The following C11orf58 variants were observed in gnomAD, a reference collection of about 807,000 sequenced individuals.
C11orf58 encodes the protein chromosome 11 open reading frame 58, also known as small acidic protein.
A neutral mutation model predicts 22.7 loss-of-function variants in C11orf58; 5 were observed. That is an observed-to-expected ratio of 0.22 (90% CI 0.12 to 0.46). The LOEUF is 0.46. Among genes scored for constraint, C11orf58 ranks in the 20% least tolerant of loss-of-function variants. The pLI, the probability that C11orf58 is intolerant of heterozygous loss-of-function variation, is 0.99. For missense variants in C11orf58, 151 were observed against 223.3 expected (o/e 0.68, Z 2.06); for synonymous variants, 71 against 70.7 (o/e 1.00, Z -0.02).
intron 1 of C11orf58, among the ~76,000 whole-genome samples, chr11:16,743,523 C>CGACT (rs2134068920): frequency 6.6e-6 from 1 of 152,176 alleles, no homozygotes; most frequent in Non-Finnish European, 1.5e-5. Context: ...GTCTAGAATA[C>CGACT]GACTGCCTTT....
At chr11:16,750,218 T>C (rs1848521853) in intron 3 of C11orf58, 1 of 152,250 alleles carries the variant, frequency 6.6e-6, no homozygotes, top group Non-Finnish European at 1.5e-5. Flanking sequence ...TTGTCTAATA[T>C]GTGATGACCA....
Position 16,738,835 on chromosome 11 carries a change from C to G in C11orf58, c.57C>G (p.Asp19Glu). 6.2e-7 allele frequency: 1 copy of G among 1,614,030 alleles called. No homozygotes were observed. Among genetic ancestry groups the G allele is most frequent in the Non-Finnish European group, 8.5e-7 (1 of 1,179,990 alleles). The part of the protein sequence containing the change: ...PHGVKRSASP[D>E]DDLGSSNWEA... ...GGGTGAAGCGTTCAGCCTCCCCAGA[C>G]GACGATGTAAATAATAATGGCGGAG... Residue 19 changes from aspartate (D) to glutamate (E), a missense_variant, in exon 1 of 5, where the codon GAC becomes GAG. Asp to Glu is a conservative substitution (Grantham distance 45, BLOSUM62 2). Transcript: ENST00000228136.
chr11:16,751,730 T>C (rs1295039742), intron 3 of C11orf58: 1 of 152,232 alleles, frequency 6.6e-6, no homozygotes, highest in African/African-American at 2.4e-5. Flanking sequence ...CATGATCACC[T>C]ATCTCAGCCT....
Position 16,738,752 on chromosome 11 carries a change from G to T in C11orf58, c.-27G>T. ...CTGGGAAGAGCGGCGAGAGGGTTCGGCATTTTTCGTCGGGATCCCCGCAAG... is the reference window on the plus strand; with the variant it reads ...CTGGGAAGAGCGGCGAGAGGGTTCGTCATTTTTCGTCGGGATCCCCGCAAG... On this transcript the variant is annotated 5_prime_UTR_variant, in exon 1 of 5. Transcript: ENST00000228136. 6.2e-7 allele frequency: 1 copy of T among 1,613,566 alleles called. No individual in the cohort carries two copies. Among genetic ancestry groups the T allele is most frequent in the Non-Finnish European group, 8.5e-7 (1 of 1,179,748 alleles).
At position 16,747,157 on chromosome 11, in the gene C11orf58, T is replaced by TA. The variant is rs1848493906; in HGVS notation, c.148-938dup. 2.6e-5 allele frequency: 4 copies of TA among 152,376 alleles called. No homozygotes were observed. In the South Asian group the frequency reaches 8.3e-4, roughly 32 times the overall value. The allele number at this position is 152,376 out of a possible 1,614,324, so 9.4% of individuals were successfully genotyped here. ...TGATGCTGTTATATTAAAATCTTGT[T>TA]AATGGCTGTCAGTTTTGCAACCTAA... On this transcript the variant is annotated intron_variant, in intron 2 of 4. Transcript: ENST00000228136.
At chr11:16,740,537 C>T (rs1040366086) in intron 1 of C11orf58, among the ~76,000 whole-genome samples, 2 of 151,988 alleles carry the variant, frequency 1.3e-5, no homozygotes, top group Admixed American at 6.6e-5. Context: ...TCTTCCCCCA[C>T]CACCACTACA....
chr11:16,742,687 C>A (rs1214211847), intron 1 of C11orf58, among the ~76,000 whole-genome samples: 2 of 152,058 alleles, frequency 1.3e-5, no homozygotes, highest in East Asian at 3.9e-4. Flanking sequence ...TTTAAATATT[C>A]TTTTAGTCTT....
At position 16,738,771 on chromosome 11, in the gene C11orf58, C is replaced by T; in HGVS notation, c.-8C>T. ...GGTTCGGCATTTTTCGTCGGGATCC[C>T]CGCAAGGATGAGTGCTGCCAGAGAG... On this transcript the variant is annotated 5_prime_UTR_variant, in exon 1 of 5. Transcript: ENST00000228136. 6.2e-7 allele frequency: 1 copy of T among 1,613,686 alleles called. No individual in the cohort carries two copies.
chr11:16,752,023 G>A (rs1358392106), intron 3 of C11orf58: 3 of 152,196 alleles, frequency 2.0e-5, no homozygotes, highest in Non-Finnish European at 4.4e-5. Context: ...TGTGAAACAG[G>A]GTTTTCTGTA....
intron 1 of C11orf58, 43 bp from the exon 2 acceptor site, chr11:16,744,558 A>AT (rs1310810292): frequency 1.3e-6 from 2 of 1,531,064 alleles, no homozygotes; most frequent in African/African-American, 2.7e-5. Flanking sequence ...CGTAATACTT[A>AT]TTTTTATGCA....
intron 2 of C11orf58, chr11:16,747,620 GATCT>G (rs1324770056): frequency 6.6e-6 from 1 of 152,554 alleles, no homozygotes; most frequent in Admixed American, 6.5e-5. Flanking sequence ...ACTGTAATAA[GATCT>G]ATCACTTTAT....
In C11orf58 at chr11:16,752,786, G is replaced by C; in HGVS notation, c.210G>C (p.Gly70=). The C allele has an allele frequency of 2.5e-6, 4 of 1,600,990 alleles. No individual in the cohort carries two copies. Among genetic ancestry groups the C allele is most frequent in the Non-Finnish European group, 3.4e-6 (4 of 1,171,486 alleles). ...DHKSTSHFRT[G]EEDKKINEEL... ...AACTAAAGTATCCTGGACATGCAGG[G>C]GAAGAAGACAAGAAAATTAATGAAG... Residue 70 remains glycine, a splice_region_variant and synonymous_variant, in exon 4 of 5, where the codon GGG becomes GGC. Coordinates refer to ENST00000228136, the MANE Select transcript of C11orf58 (RefSeq NM_014267.6).
At chr11:16,752,545 T>C (rs1455385295) in intron 3 of C11orf58, 1 of 262,814 alleles carries the variant, frequency 3.8e-6, no homozygotes, top group East Asian at 6.6e-5. Flanking sequence ...CATCTACTTA[T>C]TATAAGTAAG....
intron 4 of C11orf58, among the ~76,000 whole-genome samples, chr11:16,753,570 C>T (rs1848550409): frequency 6.6e-6 from 1 of 152,106 alleles, no homozygotes. Flanking sequence ...ACCATGTTGC[C>T]CAGGCTGGCC....
At chr11:16,752,724 T>C (rs1305768057) in intron 3 of C11orf58, 61 bp from the exon 4 acceptor site, 3 of 1,185,546 alleles carry the variant, frequency 2.5e-6, no homozygotes, top group African/African-American at 1.5e-5. Context: ...ATCTGTATTA[T>C]GGGTTTTTGT....
chr11:16,744,537 A>C (rs1590073156), intron 1 of C11orf58, 64 bp from the exon 2 acceptor site: 1 of 1,310,658 alleles, frequency 7.6e-7, no homozygotes, highest in Non-Finnish European at 1.1e-6. Flanking sequence ...TTACAGGTAG[A>C]CTTTAGATTT....
intron 4 of C11orf58, chr11:16,753,880 G>A (rs1424923703): frequency 1.6e-5 from 8 of 510,222 alleles, no homozygotes; most frequent in Non-Finnish European, 2.5e-5. Flanking sequence ...TGTATTTTTT[G>A]TAGAGACGGA....
At chr11:16,754,512 CTTTTTT>C (rs111667450) in intron 4 of C11orf58, among the ~76,000 whole-genome samples, 1 of 58,498 alleles carries the variant, frequency 1.7e-5, no homozygotes, top group Non-Finnish European at 3.1e-5. Flanking sequence ...TTTCTTTTTT[CTTTTTT>C]TTTTTTTAGT....
At position 16,755,211 on chromosome 11, in the gene C11orf58, C is replaced by T. The variant is rs1003079765; in HGVS notation, c.*107C>T. The T allele has an allele frequency of 3.1e-6, 4 of 1,297,234 alleles. No homozygotes were observed. In the African/African-American group the frequency reaches 4.5e-5, roughly 14 times the overall value. 80.4% of individuals were successfully genotyped at this position (1,297,234 alleles called of 1,614,324 possible). A position where few individuals can be genotyped will look rare whatever the true frequency, so the allele number is the denominator to read the frequency against. The stretch of plus-strand genomic sequence containing the variant: ...CTTTGTATTATAATTTTTAAAAAGG[C>T]CCTTTTAAATAATTACAAAGAGTGT... On this transcript the variant is annotated 3_prime_UTR_variant, in exon 5 of 5. Transcript: ENST00000228136.
Sources: gnomAD v4.1 joint callset for allele counts (sites outside exome capture counted in the v4.1 genomes callset) on GRCh38, gnomAD v4.1.1 for gene constraint, MANE v1.5 for transcripts, NCBI Gene and HGNC (gene_info 2026-07-23, HGNC 2026-07-21) for gene names.